The following ZC3H12C variants were observed in gnomAD, a reference collection of about 807,000 sequenced individuals.
ZC3H12C encodes the protein zinc finger CCCH-type containing 12C, also known as probable ribonuclease ZC3H12C.
ZC3H12C carries 20 observed loss-of-function variants against 76.3 expected under a neutral mutation model. That is an observed-to-expected ratio of 0.26 (90% CI 0.18 to 0.38). The LOEUF is 0.38. Ranked by LOEUF, ZC3H12C falls within the 10% of genes least tolerant of loss-of-function variation. The pLI is 1.00. For missense variants in ZC3H12C, 874 were observed against 1,086.5 expected (o/e 0.80, Z 2.75); for synonymous variants, 352 against 399.6 (o/e 0.88, Z 1.42).
chr11:110,162,172 A>G (rs563820596), intron 4 of ZC3H12C, among the ~76,000 whole-genome samples: 21 of 152,346 alleles, frequency 1.4e-4, no homozygotes, highest in African/African-American at 4.8e-4. Flanking sequence ...GGCTATTAAG[A>G]AACATGGGAA....
chr11:110,140,299 AC>A (rs1451473522), intron 2 of ZC3H12C, among the ~76,000 whole-genome samples: 1 of 152,142 alleles, frequency 6.6e-6, no homozygotes, highest in African/African-American at 2.4e-5. Flanking sequence ...AATAACAACA[AC>A]AACAAATTCT....
chr11:110,138,704 C>T (rs1254634137), intron 2 of ZC3H12C, among the ~76,000 whole-genome samples: 2 of 151,932 alleles, frequency 1.3e-5, no homozygotes, highest in Non-Finnish European at 2.9e-5. Flanking sequence ...ACTCCAGGCA[C>T]ATGCCACCGT....
At chr11:110,124,814 GATT>G (rs1037594820) in intron 1 of ZC3H12C, among the ~76,000 whole-genome samples, 1 of 82,782 alleles carries the variant, frequency 1.2e-5, no homozygotes, top group African/African-American at 5.5e-5. Context: ...TTGCAGCTGA[GATT>G]TTTTTTTTTT....
At chr11:110,111,907 G>A (rs944872822) in intron 1 of ZC3H12C, among the ~76,000 whole-genome samples, 4 of 151,968 alleles carry the variant, frequency 2.6e-5, no homozygotes, top group Non-Finnish European at 5.9e-5. Flanking sequence ...GAGAAATAGG[G>A]TAAGCTGCTC....
chr11:110,129,657 G>GC (rs1418373546), intron 1 of ZC3H12C, among the ~76,000 whole-genome samples: 1 of 152,136 alleles, frequency 6.6e-6, no homozygotes, highest in East Asian at 1.9e-4. Context: ...TATGTAAAGA[G>GC]CAGTTCTTTG....
At position 110,131,022 on chromosome 11, in the gene ZC3H12C, C is replaced by T. The variant is rs1861855610; in HGVS notation, c.22-5641C>T. The T allele has an allele frequency of 2.0e-6, 3 of 1,535,560 alleles. 1 individual carries two copies. Among genetic ancestry groups the T allele is most frequent in the Non-Finnish European group, 2.6e-6 (3 of 1,146,576 alleles). On this transcript the variant is annotated intron_variant, in intron 1 of 5. Coordinates refer to ENST00000278590, the MANE Select transcript of ZC3H12C (RefSeq NM_033390.2). ...ACCATTCATTGTTCTTCTTGCCTGC[C>T]TGGAAGTCTGCAGCTAAAATTGTGT...
chr11:110,141,503 A>G (rs567696475), intron 2 of ZC3H12C, among the ~76,000 whole-genome samples: 2 of 152,134 alleles, frequency 1.3e-5, no homozygotes, highest in African/African-American at 4.8e-5. Context: ...TTTGCCTTCA[A>G]TTGTTTGGTT....
At chr11:110,102,557 C>T (rs796657364) in intron 1 of ZC3H12C, among the ~76,000 whole-genome samples, 26 of 152,138 alleles carry the variant, frequency 1.7e-4, no homozygotes, top group African/African-American at 5.5e-4. Flanking sequence ...GTGAAGATGC[C>T]GTGAACCATT....
intron 1 of ZC3H12C, among the ~76,000 whole-genome samples, chr11:110,134,343 T>C (rs185519453): frequency 1.1e-4 from 16 of 152,256 alleles, no homozygotes; most frequent in Admixed American, 5.2e-4. Context: ...GCATTCATGA[T>C]GGCATGTTAA....
rs185859860 is a variant in ZC3H12C, at chr11:110,103,097, C to A, written c.21+9665C>A. Among the ~76,000 whole-genome samples, 12 of 152,248 alleles carry A rather than the reference C, an allele frequency of 7.9e-5. No individual in the cohort carries two copies. In the East Asian group the frequency reaches 2.3e-3, roughly 29 times the overall value. On this transcript the variant is annotated intron_variant, in intron 1 of 5. Coordinates refer to ENST00000278590, the MANE Select transcript of ZC3H12C (RefSeq NM_033390.2). ...TTACAGCAGTCTGGAACCAAAACCA[C>A]AATATTTCCAAGGTATGCCTATGGA... is the stretch of plus-strand genomic sequence containing the variant.
At chr11:110,110,900 T>C (rs1372402725) in intron 1 of ZC3H12C, among the ~76,000 whole-genome samples, 2 of 152,262 alleles carry the variant, frequency 1.3e-5, no homozygotes, top group Non-Finnish European at 2.9e-5. Flanking sequence ...ATTTAAAGTA[T>C]GATTTTTAAA....
chr11:110,156,892 A>C (rs929509928), intron 3 of ZC3H12C, among the ~76,000 whole-genome samples: 1 of 152,200 alleles, frequency 6.6e-6, no homozygotes, highest in Admixed American at 6.5e-5. Flanking sequence ...AAAAGAGATC[A>C]ACAGTAGGCC....
intron 1 of ZC3H12C, among the ~76,000 whole-genome samples, chr11:110,110,726 G>T (rs1298524978): frequency 6.6e-6 from 1 of 151,818 alleles, no homozygotes; most frequent in Non-Finnish European, 1.5e-5. Flanking sequence ...TGAGTACATT[G>T]AGAGAGCCTC....
In ZC3H12C at chr11:110,164,877, A is replaced by C. The variant is rs773402894; in HGVS notation, c.1792A>C (p.Asn598His). The C allele has an allele frequency of 1.9e-6, 3 of 1,613,854 alleles. No homozygotes were observed. The highest frequency in any genetic ancestry group is 3.3e-5 in the Admixed American group (2 of 59,998). The change falls in exon 6 of 6, where the codon AAT becomes CAT. Residue 598 changes from asparagine to histidine, a missense_variant. Asn to His is a moderately conservative substitution (Grantham distance 68). Transcript: ENST00000278590. This position sits in a 1 kb window ranked among gnomAD's most constrained non-coding sequence, Gnocchi z 5.7. The part of the protein sequence containing the change: ...GYYSMLNAYS[N>H]LSLSGPRSPE... Reference sequence around the variant, plus strand: ...TTATTCCATGTTGAATGCATACTCAAATCTGAGTCTCTCAGGCCCACGAAG... The same window carrying C: ...TTATTCCATGTTGAATGCATACTCACATCTGAGTCTCTCAGGCCCACGAAG...
chr11:110,132,821 G>A (rs1369643044), intron 1 of ZC3H12C, among the ~76,000 whole-genome samples: 3 of 152,026 alleles, frequency 2.0e-5, no homozygotes, highest in Admixed American at 1.3e-4. Flanking sequence ...ATGAGTTTAC[G>A]TTTTAGTAAA....
intron 1 of ZC3H12C, among the ~76,000 whole-genome samples, chr11:110,114,658 A>T (rs1037231080): frequency 3.9e-5 from 6 of 152,242 alleles, no homozygotes; most frequent in Admixed American, 1.3e-4. Context: ...TACTTTAAAA[A>T]TGTATTATTT....
intron 1 of ZC3H12C, among the ~76,000 whole-genome samples, chr11:110,111,247 G>T (rs576602703): frequency 6.6e-6 from 1 of 152,250 alleles, no homozygotes; most frequent in South Asian, 2.1e-4. Flanking sequence ...AAATGAATGT[G>T]CATTTTACTA....
At chr11:110,122,665 A>T (rs1861671767) in intron 1 of ZC3H12C, among the ~76,000 whole-genome samples, 1 of 152,224 alleles carries the variant, frequency 6.6e-6, no homozygotes, top group African/African-American at 2.4e-5. Context: ...CTTTCAGTAC[A>T]ATAAATTACA....
At chr11:110,153,087 C>T in intron 3 of ZC3H12C, 29 bp downstream of exon 3, 3 of 1,598,986 alleles carry the variant, frequency 1.9e-6, no homozygotes, top group Non-Finnish European at 2.6e-6. Flanking sequence ...GCTGCTTGTA[C>T]CTAGCTTTCC....
Sources: allele counts gnomAD v4.1 joint callset (sites outside exome capture counted in the v4.1 genomes callset), GRCh38; gene constraint gnomAD v4.1.1; non-coding constraint Gnocchi (gnomAD v3.1); transcripts MANE v1.5; gene names NCBI Gene and HGNC (gene_info 2026-07-23, HGNC 2026-07-21).